Variants in MSRA observed in about 807,000 individuals in gnomAD.
MSRA encodes mitochondrial peptide methionine sulfoxide reductase.
In MSRA, 54 loss-of-function variants were observed where a neutral mutation model predicts 31.3. The observed-to-expected ratio is 1.73, with a 90% CI of 1.39 to 2.17. The LOEUF (loss-of-function observed/expected upper bound fraction) is 2.17, where lower values mean the gene tolerates loss of function less well. MSRA is among the 30% of genes most tolerant of loss of function. The probability of loss-of-function intolerance (pLI) is 0.00; values close to 1 mark genes in which losing one functional copy is unlikely to be tolerated. For missense variants in MSRA, 507 were observed against 300.9 expected (o/e 1.69, Z -5.07); for synonymous variants, 169 against 116.5 (o/e 1.45, Z -2.90).
At chr8:10,334,186 TTATGTG>T (rs1563362769) in intron 5 of MSRA, among the ~76,000 whole-genome samples, 1 of 88,240 alleles carries the variant, frequency 1.1e-5, no homozygotes, top group Admixed American at 1.2e-4. Context: ...GTGTGTGTAT[TTATGTG>T]TGTGTGTGTG....
chr8:10,062,912 C>G (rs765413111), intron 1 of MSRA, among the ~76,000 whole-genome samples: 4 of 152,210 alleles, frequency 2.6e-5, no homozygotes, highest in South Asian at 2.1e-4. Flanking sequence ...ACTGGAATTC[C>G]TTAGCACATT....
intron 1 of MSRA, among the ~76,000 whole-genome samples, chr8:10,137,553 A>G (rs1802374820): frequency 6.6e-6 from 1 of 152,240 alleles, no homozygotes; most frequent in Admixed American, 6.5e-5. Flanking sequence ...GAACTAACCC[A>G]TTAGAAAGAA....
chr8:10,342,474 G>C (rs1195708608), intron 5 of MSRA, among the ~76,000 whole-genome samples: 1 of 152,160 alleles, frequency 6.6e-6, no homozygotes, highest in African/African-American at 2.4e-5. Context: ...GAATAATTTT[G>C]ACCTTGTGGA....
chr8:10,298,049 G>A (rs962227808), intron 3 of MSRA, among the ~76,000 whole-genome samples: 4 of 152,148 alleles, frequency 2.6e-5, no homozygotes, highest in East Asian at 1.9e-4. Flanking sequence ...CCTGGTTCGC[G>A]TATGACTGAA....
chr8:10,153,502 A>G (rs1803887753), intron 1 of MSRA, among the ~76,000 whole-genome samples: 1 of 127,494 alleles, frequency 7.8e-6, no homozygotes, highest in Non-Finnish European at 1.6e-5. Context: ...TTTCTTCAGG[A>G]CAGCTTTCTA....
intron 5 of MSRA, among the ~76,000 whole-genome samples, chr8:10,412,605 C>G (rs1034381520): frequency 1.3e-5 from 2 of 152,132 alleles, no homozygotes; most frequent in Admixed American, 6.5e-5. Flanking sequence ...ACAATACAAG[C>G]AAATCACCTG....
chr8:10,117,220 G>C (rs1800749270), intron 1 of MSRA, among the ~76,000 whole-genome samples: 1 of 152,154 alleles, frequency 6.6e-6, no homozygotes, highest in Non-Finnish European at 1.5e-5. Flanking sequence ...TCCTAGGTTT[G>C]ATTTTTGAGG....
intron 1 of MSRA, among the ~76,000 whole-genome samples, chr8:10,069,796 A>C (rs897164369): frequency 6.6e-6 from 1 of 152,086 alleles, no homozygotes; most frequent in South Asian, 2.1e-4. Context: ...ATTCAAACCA[A>C]AGTGATGTTC....
At chr8:10,295,403 C>T (rs1419706555) in intron 3 of MSRA, among the ~76,000 whole-genome samples, 1 of 132,274 alleles carries the variant, frequency 7.6e-6, no homozygotes, top group Non-Finnish European at 1.7e-5. Context: ...TTACTCCTTC[C>T]TTCTCACACA....
intron 1 of MSRA, among the ~76,000 whole-genome samples, chr8:10,185,954 G>A (rs1320003253): frequency 6.6e-6 from 1 of 152,064 alleles, no homozygotes; most frequent in Non-Finnish European, 1.5e-5. Context: ...GTGCAAAGGA[G>A]GAGTTCTGGG....
At chr8:10,205,717 T>C (rs1808903507) in intron 1 of MSRA, among the ~76,000 whole-genome samples, 1 of 152,212 alleles carries the variant, frequency 6.6e-6, no homozygotes, top group South Asian at 2.1e-4. Context: ...AAAATAAATG[T>C]CTTGCATAGT....
At chr8:10,245,925 G>A (rs2952224) in intron 3 of MSRA, among the ~76,000 whole-genome samples, 147,387 of 152,332 alleles carry the variant, frequency 0.97, 71,463 homozygotes, top group East Asian at 1. Context: ...ACAATCTACC[G>A]CATGAGACAG....
chr8:10,109,342 C>CT (rs58003322), intron 1 of MSRA, among the ~76,000 whole-genome samples: 2,712 of 145,104 alleles, frequency 0.019, 51 homozygotes, highest in Middle Eastern at 0.05. Flanking sequence ...CTTTTCTTTT[C>CT]TTTTTTTTTT....
intron 5 of MSRA, among the ~76,000 whole-genome samples, chr8:10,373,320 A>T (rs1224740866): frequency 6.6e-6 from 1 of 152,282 alleles, no homozygotes; most frequent in African/African-American, 2.4e-5. Context: ...TGTCCACAGT[A>T]GCTCAGAGAT....
chr8:10,080,070 T>C lies in MSRA; in HGVS notation c.142+25412T>C, dbSNP rs576653757. On this transcript the variant is annotated intron_variant, in intron 1 of 5. Coordinates refer to ENST00000317173, the MANE Select transcript of MSRA (RefSeq NM_012331.5). ...TAGAACTCTAAGCCACGCTTCTTTC[T>C]TGCATGGTCTCACTTGCTTTTCTCC... Among the ~76,000 whole-genome samples the C allele has an allele frequency of 9.8e-5, 15 of 152,344 alleles. No individual in the cohort carries two copies. In the East Asian group the frequency reaches 2.9e-3, roughly 29 times the overall value.
At position 10,163,079 on chromosome 8, in the gene MSRA, G is replaced by T. The variant is rs1804803553; in HGVS notation, c.143-44754G>T. ...AGAGCCTTAGTGCCTGCCTGAAAGGGACCTCTTTGCACCATGGGAGGACAC... is the reference window on the plus strand; with the variant it reads ...AGAGCCTTAGTGCCTGCCTGAAAGGTACCTCTTTGCACCATGGGAGGACAC... On this transcript the variant is annotated intron_variant, in intron 1 of 5. Transcript: ENST00000317173. 3.9e-5 allele frequency among the ~76,000 whole-genome samples: 6 copies of T among 151,922 alleles called. No homozygotes were observed. The South Asian group carries it at 1.2e-3, about 32-fold the overall frequency.
chr8:10,257,265 C>T (rs965254921), intron 3 of MSRA, among the ~76,000 whole-genome samples: 3 of 152,076 alleles, frequency 2.0e-5, no homozygotes, highest in Non-Finnish European at 2.9e-5. Context: ...AGGCCCTCTC[C>T]GTCTCCACAA....
chr8:10,207,967 T>G, intron 2 of MSRA, 66 bp downstream of exon 2: 1 of 1,332,684 alleles, frequency 7.5e-7, no homozygotes, highest in South Asian at 1.3e-5. Context: ...TTTCTTAGTT[T>G]TAGCAAGTGT....
chr8:10,426,114 G>C (rs1809145051), intron 5 of MSRA, among the ~76,000 whole-genome samples: 1 of 152,144 alleles, frequency 6.6e-6, no homozygotes, highest in African/African-American at 2.4e-5. Flanking sequence ...CAAGTCACAC[G>C]GCCAGCACAT....
Sources: gnomAD v4.1 joint callset for allele counts (sites outside exome capture counted in the v4.1 genomes callset) on GRCh38, gnomAD v4.1.1 for gene constraint, MANE v1.5 for transcripts, NCBI Gene and HGNC (gene_info 2026-07-23, HGNC 2026-07-21) for gene names.